TCF4: variants seen among roughly 807,000 people sequenced by gnomAD.
TCF4 encodes SL3-3 enhancer factor 2.
A neutral mutation model predicts 82.1 loss-of-function variants in TCF4; 3 were observed. The ratio of observed to expected loss-of-function variants is 0.04; its 90% CI spans 0.02 to 0.09. The LOEUF (loss-of-function observed/expected upper bound fraction) is 0.09. Among genes scored for constraint, TCF4 ranks in the 10% least tolerant of loss-of-function variants. The probability of loss-of-function intolerance (pLI) is 1.00; values close to 1 mark genes in which losing one functional copy is unlikely to be tolerated. For synonymous variants in TCF4, 276 were observed against 309.6 expected (o/e 0.89, Z 1.14); for missense variants, 518 against 852.7 (o/e 0.61, Z 4.89).
At chr18:55,564,909 A>G (rs2097389334) in intron 3 of TCF4, among the ~76,000 whole-genome samples, 3 of 152,204 alleles carry the variant, frequency 2.0e-5, no homozygotes, top group Admixed American at 2.0e-4. Context: ...AAACAAGGTC[A>G]TATTGCTAAT....
chr18:55,378,631 A>G (rs1011266297), intron 6 of TCF4, among the ~76,000 whole-genome samples: 1 of 152,168 alleles, frequency 6.6e-6, no homozygotes, highest in African/African-American at 2.4e-5. Context: ...TCCCCTACCC[A>G]AGGCATCCAT....
intron 3 of TCF4, among the ~76,000 whole-genome samples, chr18:55,535,325 G>A (rs184672917): frequency 6.6e-6 from 1 of 152,210 alleles, no homozygotes; most frequent in East Asian, 1.9e-4. Context: ...TGTTAAGGTG[G>A]GAAAACCTTA....
intron 8 of TCF4, among the ~76,000 whole-genome samples, chr18:55,305,743 C>CT (rs1392712664): frequency 1.3e-5 from 2 of 152,128 alleles, no homozygotes; most frequent in African/African-American, 2.4e-5. Context: ...CCCTAATTCT[C>CT]TTTTTTTGTA....
Position 55,399,880 on chromosome 18 carries a change from TCACACACA to T in TCF4, c.369+3566_369+3573del, listed in dbSNP as rs398041380. ...CTCTCTCTCTCTCTCTCTCTCTCTCTCACACACACACACACACACACACACACACACAC... is the reference window on the plus strand; with the variant it reads ...CTCTCTCTCTCTCTCTCTCTCTCTCTCACACACACACACACACACACACAC... On this transcript the variant is annotated intron_variant, in intron 6 of 19. Transcript: ENST00000354452. Among the ~76,000 whole-genome samples the T allele has an allele frequency of 5.4e-3, 343 of 63,436 alleles. 6 individuals are homozygous for T. The highest frequency in any genetic ancestry group is 0.02 in the African/African-American group (290 of 14,784). The allele number at this position is 63,436 out of a possible 152,430, so 41.6% of individuals were successfully genotyped here. A position where few individuals can be genotyped will look rare whatever the true frequency, so the allele number is the denominator to read the frequency against.
At chr18:55,250,332 G>C (rs1309597165) in intron 15 of TCF4, among the ~76,000 whole-genome samples, 4 of 152,156 alleles carry the variant, frequency 2.6e-5, no homozygotes, top group Non-Finnish European at 5.9e-5. Flanking sequence ...CTATACATTT[G>C]GGAAGAGAGC....
intron 8 of TCF4, chr18:55,321,383 C>A: frequency 2.2e-6 from 1 of 450,732 alleles, no homozygotes; most frequent in Non-Finnish European, 4.0e-6. Flanking sequence ...AATCATACCA[C>A]CTCTCAACTT....
At chr18:55,625,474 T>C (rs756752746) in intron 2 of TCF4, among the ~76,000 whole-genome samples, 1 of 152,158 alleles carries the variant, frequency 6.6e-6, no homozygotes, top group Non-Finnish European at 1.5e-5. Context: ...CCTGACCTTG[T>C]GGTCCACCCG....
intron 5 of TCF4, among the ~76,000 whole-genome samples, chr18:55,418,109 G>T (rs1160197344): frequency 6.6e-6 from 1 of 150,902 alleles, no homozygotes; most frequent in Non-Finnish European, 1.5e-5. Context: ...ATTCACACTG[G>T]TTTGCAAACA....
intron 3 of TCF4, among the ~76,000 whole-genome samples, chr18:55,492,664 T>TAAG (rs2096588532): frequency 6.6e-6 from 1 of 152,206 alleles, no homozygotes; most frequent in African/African-American, 2.4e-5. Flanking sequence ...GTCTCCTGAC[T>TAAG]TCTTATCTTC....
At chr18:55,233,564 C>T (rs2048476880) in intron 16 of TCF4, among the ~76,000 whole-genome samples, 1 of 152,104 alleles carries the variant, frequency 6.6e-6, no homozygotes, top group South Asian at 2.1e-4. Flanking sequence ...ACCTGTAATC[C>T]CAGCACTTCG....
chr18:55,494,157 GACACACAC>G (rs3138626), intron 3 of TCF4, among the ~76,000 whole-genome samples: 4 of 147,738 alleles, frequency 2.7e-5, no homozygotes, highest in African/African-American at 9.9e-5. Context: ...AAATATTATG[GACACACAC>G]ACACACACAC....
At chr18:55,356,945 A>T (rs999489335) in intron 6 of TCF4, among the ~76,000 whole-genome samples, 4 of 152,138 alleles carry the variant, frequency 2.6e-5, no homozygotes, top group Non-Finnish European at 5.9e-5. Flanking sequence ...GTCTTTCCTT[A>T]TAAGGAAACA....
chr18:55,286,267 C>CTTTA (rs370057555), intron 8 of TCF4, among the ~76,000 whole-genome samples: 1 of 144,532 alleles, frequency 6.9e-6, no homozygotes, highest in South Asian at 2.1e-4. Flanking sequence ...ATTCTATATT[C>CTTTA]TTTGTTTTTA....
At chr18:55,357,693 T>C (rs2083923262) in intron 6 of TCF4, among the ~76,000 whole-genome samples, 1 of 152,172 alleles carries the variant, frequency 6.6e-6, no homozygotes, top group Non-Finnish European at 1.5e-5. Context: ...TTCAAGGTTG[T>C]TGTAAATATC....
intron 8 of TCF4, among the ~76,000 whole-genome samples, chr18:55,315,284 A>T (rs1175280762): frequency 6.6e-6 from 1 of 152,164 alleles, no homozygotes; most frequent in South Asian, 2.1e-4. Flanking sequence ...ACAGAATGTT[A>T]GAGGCGTAGT....
intron 8 of TCF4, among the ~76,000 whole-genome samples, chr18:55,335,184 A>T (rs1461997956): frequency 6.6e-6 from 1 of 151,636 alleles, no homozygotes; most frequent in Non-Finnish European, 1.5e-5. Flanking sequence ...ATCTCCAAAT[A>T]TCATTTACAT....
intron 15 of TCF4, among the ~76,000 whole-genome samples, chr18:55,252,636 TG>T (rs1444546868): frequency 1.3e-5 from 2 of 152,134 alleles, no homozygotes; most frequent in African/African-American, 2.4e-5. Context: ...AACCTACATA[TG>T]GTATTTAAGA....
intron 15 of TCF4, among the ~76,000 whole-genome samples, chr18:55,251,769 T>C (rs947478635): frequency 1.3e-5 from 2 of 152,200 alleles, no homozygotes; most frequent in African/African-American, 4.8e-5. Flanking sequence ...CTCTCACCAG[T>C]GCTCTCTGCT....
At position 55,269,973 on chromosome 18, in the gene TCF4, G is replaced by A; in HGVS notation, c.790-10C>T. 1 of 1,613,050 alleles carries A rather than the reference G, an allele frequency of 6.2e-7. No individual in the cohort carries two copies. The highest frequency in any genetic ancestry group is 1.1e-5 in the South Asian group (1 of 91,068). On this transcript the variant is annotated splice_polypyrimidine_tract_variant and intron_variant, in intron 10 of 19. Coordinates refer to ENST00000354452, the MANE Select transcript of TCF4 (RefSeq NM_001083962.2). ...AGTGTGATGGATAGCTCTATAGCAA[G>A]AAGCAGAAAAAGGTGGCCATATTTA...
Sources: allele counts gnomAD v4.1 joint callset (sites outside exome capture counted in the v4.1 genomes callset), GRCh38; gene constraint gnomAD v4.1.1; transcripts MANE v1.5; gene names NCBI Gene and HGNC (gene_info 2026-07-23, HGNC 2026-07-21).